NIPBL: variants seen among roughly 807,000 people sequenced by gnomAD.
The protein encoded by NIPBL is NIPBL cohesin loading factor, also known as nipped-B-like protein.
A neutral mutation model predicts 321.8 loss-of-function variants in NIPBL; 19 were observed. The ratio of observed to expected loss-of-function variants is 0.06; its 90% CI spans 0.04 to 0.09. The LOEUF (loss-of-function observed/expected upper bound fraction) is 0.09, where lower values mean the gene tolerates loss of function less well. NIPBL is among the 10% of genes least tolerant of loss of function. NIPBL has a pLI of 1.00. For missense variants in NIPBL, 2,210 were observed against 3,327.0 expected (o/e 0.66, Z 8.26); for synonymous variants, 1,106 against 1,114.1 (o/e 0.99, Z 0.14).
At chr5:37,049,744 C>T (rs1396530801) in intron 40 of NIPBL, among the ~76,000 whole-genome samples, 5 of 152,090 alleles carry the variant, frequency 3.3e-5, no homozygotes, top group East Asian at 1.9e-4. Context: ...ACCAACTACT[C>T]GACACCTCAT....
At position 36,996,215 on chromosome 5, in the gene NIPBL, G is replaced by A. The variant is rs1296538931; in HGVS notation, c.3304+411G>A. ...AGTACAATGATAACAGTAAATCCAG[G>A]GTGCTATGGGAACACATTGGATTGG... On this transcript the variant is annotated intron_variant, in intron 11 of 46. Transcript: ENST00000282516. The surrounding 1 kb of genome is among the most constrained non-coding windows in gnomAD (Gnocchi z 5.0). 1.3e-5 allele frequency among the ~76,000 whole-genome samples: 2 copies of A among 152,078 alleles called. No homozygotes were observed. Among genetic ancestry groups the A allele is most frequent in the African/African-American group, 4.8e-5 (2 of 41,418 alleles).
intron 10 of NIPBL, among the ~76,000 whole-genome samples, chr5:36,988,469 G>A (rs1432934678): frequency 6.6e-6 from 1 of 151,230 alleles, no homozygotes; most frequent in Non-Finnish European, 1.5e-5. Context: ...GCTATCTTTT[G>A]GATTAATTTA....
chr5:36,900,675 T>G (rs1580180987), intron 1 of NIPBL, among the ~76,000 whole-genome samples: 2 of 152,094 alleles, frequency 1.3e-5, no homozygotes, highest in Admixed American at 6.6e-5. Context: ...GGGTTTTTTT[T>G]GTTTTGTTTT....
intron 40 of NIPBL, among the ~76,000 whole-genome samples, chr5:37,050,293 G>A (rs900554888): frequency 1.1e-4 from 17 of 151,854 alleles, no homozygotes; most frequent in Admixed American, 1.3e-4. Flanking sequence ...GCAAAACCCC[G>A]TCTCTACTAA....
At chr5:36,979,363 A>AT (rs1296302413) in intron 9 of NIPBL, among the ~76,000 whole-genome samples, 5 of 151,702 alleles carry the variant, frequency 3.3e-5, no homozygotes, top group African/African-American at 1.2e-4. Context: ...TGTAAATGAG[A>AT]TTGAGTTCTT....
chr5:37,033,730 A>ATATATTTT (rs775482943), intron 32 of NIPBL, among the ~76,000 whole-genome samples: 2 of 21,506 alleles, frequency 9.3e-5, no homozygotes, highest in African/African-American at 2.0e-4. Flanking sequence ...ATATATATAT[A>ATATATTTT]TTTTTTTTTT....
At chr5:36,954,677 G>C (rs372719166) in intron 2 of NIPBL, among the ~76,000 whole-genome samples, 2 of 152,058 alleles carry the variant, frequency 1.3e-5, no homozygotes, top group African/African-American at 4.8e-5. Flanking sequence ...TGTTCATTAA[G>C]TAATAATTTA....
chr5:36,956,065 C>CAAA (rs542704963), intron 3 of NIPBL, among the ~76,000 whole-genome samples: 2 of 105,024 alleles, frequency 1.9e-5, no homozygotes, highest in Admixed American at 1.0e-4. Flanking sequence ...ACTAAAAATA[C>CAAA]AAAAAAAAAA....
rs1272453198 is a variant in NIPBL, at chr5:36,941,394, G to A, written c.-79-12224G>A. 4.0e-5 allele frequency among the ~76,000 whole-genome samples: 6 copies of A among 151,438 alleles called. No individual in the cohort carries two copies. In the East Asian group the frequency reaches 1.2e-3, roughly 29 times the overall value. On this transcript the variant is annotated intron_variant, in intron 1 of 46. Transcript: ENST00000282516. The stretch of plus-strand genomic sequence containing the variant: ...TAAAAGTCTCCTGTAACATAAGAAA[G>A]CTTTTCTTCCTAATTATCTTCTTTA...
chr5:36,898,735 T>A (rs1436887790), intron 1 of NIPBL, among the ~76,000 whole-genome samples: 1 of 152,152 alleles, frequency 6.6e-6, no homozygotes, highest in Non-Finnish European at 1.5e-5. Context: ...GGTCTCGAAC[T>A]CCCGACCTCA....
intron 1 of NIPBL, among the ~76,000 whole-genome samples, chr5:36,910,701 G>T (rs1177770590): frequency 6.6e-6 from 1 of 152,032 alleles, no homozygotes; most frequent in Non-Finnish European, 1.5e-5. Flanking sequence ...TTTAGTGGTG[G>T]AGTAAGAAGG....
chr5:37,015,673 G>C (rs201090336), intron 22 of NIPBL, among the ~76,000 whole-genome samples: 1 of 152,240 alleles, frequency 6.6e-6, no homozygotes, highest in East Asian at 2.0e-4. Context: ...GAGGGTTGCC[G>C]TAAGCCAAGA....
At chr5:36,993,000 C>G (rs1419863944) in intron 10 of NIPBL, among the ~76,000 whole-genome samples, 1 of 152,094 alleles carries the variant, frequency 6.6e-6, no homozygotes, top group African/African-American at 2.4e-5. Flanking sequence ...CTCGGCCTCC[C>G]AAAGTGCTGG....
chr5:37,044,515 T>C, intron 35 of NIPBL, 28 bp downstream of exon 35: 1 of 1,609,534 alleles, frequency 6.2e-7, no homozygotes, highest in Non-Finnish European at 8.5e-7. Context: ...CATTTCTTTA[T>C]TCATTAGTGT....
At position 37,033,725 on chromosome 5, in the gene NIPBL, TATA is replaced by T. The variant is rs1318482213; in HGVS notation, c.5863-2653_5863-2651del. On this transcript the variant is annotated intron_variant, in intron 32 of 46. Transcript: ENST00000282516. ...ACACACATATATATATATATATATA[TATA>T]TATTTTTTTTTTTTTTTTTTTTAAT... 9.3e-3 allele frequency among the ~76,000 whole-genome samples: 866 copies of T among 93,048 alleles called. 9 individuals carry two copies. The highest frequency in any genetic ancestry group is 0.012 in the Non-Finnish European group (592 of 47,376). 61.0% of individuals were successfully genotyped at this position (93,048 alleles called of 152,430 possible).
chr5:36,952,053 T>TGCGCGCGC lies in NIPBL; in HGVS notation c.-79-1552_-79-1545dup, dbSNP rs1554010277. On this transcript the variant is annotated intron_variant, in intron 1 of 46. Transcript: ENST00000282516. Reference sequence around the variant, plus strand: ...GTGTGTGTGTGTGTGTGTGTGTGTGTGCGCGCGCGCGCGCGCGCGCATGTG... The same window carrying TGCGCGCGC: ...GTGTGTGTGTGTGTGTGTGTGTGTGTGCGCGCGCGCGCGCGCGCGCGCGCGCGCATGTG... Among the ~76,000 whole-genome samples the TGCGCGCGC allele has an allele frequency of 1.8e-3, 200 of 112,184 alleles. 2 individuals are homozygous for TGCGCGCGC. The highest frequency in any genetic ancestry group is 2.8e-3 in the Non-Finnish European group (151 of 53,664). The allele number at this position is 112,184 out of a possible 152,430, so 73.6% of individuals were successfully genotyped here.
At chr5:36,962,728 G>C (rs566178117) in intron 6 of NIPBL, among the ~76,000 whole-genome samples, 1 of 152,128 alleles carries the variant, frequency 6.6e-6, no homozygotes, top group East Asian at 1.9e-4. Flanking sequence ...TAGTGAACAC[G>C]TACAGACATG....
intron 1 of NIPBL, among the ~76,000 whole-genome samples, chr5:36,950,177 G>A (rs1390900096): frequency 1.3e-5 from 2 of 151,976 alleles, no homozygotes; most frequent in Non-Finnish European, 2.9e-5. Context: ...ATACTGTGGT[G>A]AAATATATAC....
intron 4 of NIPBL, among the ~76,000 whole-genome samples, chr5:36,961,024 C>A (rs1309533068): frequency 6.6e-6 from 1 of 152,008 alleles, no homozygotes; most frequent in African/African-American, 2.4e-5. Context: ...AAGTACTTTT[C>A]AAAACCTGTG....
Sources: gnomAD v4.1 joint callset for allele counts (sites outside exome capture counted in the v4.1 genomes callset) on GRCh38, gnomAD v4.1.1 for gene constraint, Gnocchi (gnomAD v3.1) non-coding constraint, MANE v1.5 for transcripts, NCBI Gene and HGNC (gene_info 2026-07-23, HGNC 2026-07-21) for gene names.